The following NFATC1 variants were observed in gnomAD, a reference collection of about 807,000 sequenced individuals.
NFATC1 encodes the protein nuclear factor of activated T cells 1, also known as nuclear factor of activated T-cells, cytoplasmic 1.
A neutral mutation model predicts 76.0 loss-of-function variants in NFATC1; 22 were observed. That is an observed-to-expected ratio of 0.29 (90% CI 0.21 to 0.41). The LOEUF is 0.41. Ranked by LOEUF, NFATC1 falls within the 10% of genes least tolerant of loss-of-function variation. NFATC1 has a pLI of 1.00. For synonymous variants in NFATC1, 704 were observed against 613.1 expected (o/e 1.15, Z -2.19); for missense variants, 1,357 against 1,337.7 (o/e 1.01, Z -0.23).
intron 3 of NFATC1, among the ~76,000 whole-genome samples, chr18:79,447,051 C>T (rs914307398): frequency 2.6e-5 from 4 of 152,178 alleles, no homozygotes; most frequent in South Asian, 2.1e-4. Flanking sequence ...ACTGTGGCCT[C>T]GTCCCTGGAG....
At chr18:79,423,251 T>C (rs953524999) in intron 2 of NFATC1, among the ~76,000 whole-genome samples, 1 of 152,214 alleles carries the variant, frequency 6.6e-6, no homozygotes. Flanking sequence ...ACAAAACCTC[T>C]GCACTCCGGC....
chr18:79,430,774 G>A (rs973701673), intron 2 of NFATC1, among the ~76,000 whole-genome samples: 5 of 152,236 alleles, frequency 3.3e-5, no homozygotes, highest in East Asian at 3.8e-4. Flanking sequence ...CATCATCTGC[G>A]ACTTTGTTTG....
In NFATC1 at chr18:79,430,320, C is replaced by T. The variant is rs116663514; in HGVS notation, c.1227-3259C>T. 4.5e-3 allele frequency among the ~76,000 whole-genome samples: 681 copies of T among 152,296 alleles called. 7 individuals carry two copies. Among genetic ancestry groups the T allele is most frequent in the African/African-American group, 0.016 (651 of 41,548 alleles). On this transcript the variant is annotated intron_variant, in intron 2 of 9. Coordinates refer to ENST00000427363, the MANE Select transcript of NFATC1 (RefSeq NM_001278669.2). Reference sequence around the variant, plus strand: ...TCCTCTCTCCTCTCTCTCGCTGTCTCTTCTCTGTCTCTTAACTTTCCTGGG... The same window carrying T: ...TCCTCTCTCCTCTCTCTCGCTGTCTTTTCTCTGTCTCTTAACTTTCCTGGG...
intron 9 of NFATC1, among the ~76,000 whole-genome samples, chr18:79,492,901 CTT>C (rs10605674): frequency 0.099 from 8,615 of 86,990 alleles, 397 homozygotes; most frequent in African/African-American, 0.19. Flanking sequence ...ATGAATCCAG[CTT>C]TTTTTTTTTT....
At chr18:79,420,605 G>A (rs940571189) in intron 2 of NFATC1, among the ~76,000 whole-genome samples, 12 of 151,808 alleles carry the variant, frequency 7.9e-5, no homozygotes, top group African/African-American at 2.7e-4. Context: ...GTTTCCGGGA[G>A]ACGTCGCTGC....
chr18:79,522,291 G>A lies in NFATC1; in HGVS notation c.2783-5237G>A, dbSNP rs115874627. 7.6e-4 allele frequency among the ~76,000 whole-genome samples: 103 copies of A among 136,236 alleles called. 1 individual carries two copies. Among genetic ancestry groups the A allele is most frequent in the African/African-American group, 2.8e-3 (100 of 36,312 alleles). 89.4% of individuals were successfully genotyped at this position (136,236 alleles called of 152,430 possible). On this transcript the variant is annotated intron_variant, in intron 9 of 9. Coordinates refer to ENST00000427363, the MANE Select transcript of NFATC1 (RefSeq NM_001278669.2). ...TGTGTAGAGGGGTGCGTCTACTGAT[G>A]TCTGGGTGTAGGGGCTGGCGCCTGC... is the stretch of plus-strand genomic sequence containing the variant.
chr18:79,515,358 A>G lies in NFATC1; in HGVS notation c.2783-12170A>G, dbSNP rs2090353557. Among the ~76,000 whole-genome samples, 7 of 148,948 alleles carry G rather than the reference A, an allele frequency of 4.7e-5. No individual in the cohort carries two copies. The South Asian group carries it at 1.5e-3, about 31-fold the overall frequency. On this transcript the variant is annotated intron_variant, in intron 9 of 9. Coordinates refer to ENST00000427363, the MANE Select transcript of NFATC1 (RefSeq NM_001278669.2). ...CATCTCAAAAAAAAAAAAAAAAAAA[A>G]GAAGGAAGGCAAGTTTCCCATCCCA... is the stretch of plus-strand genomic sequence containing the variant.
At chr18:79,443,254 T>C (rs1308114281) in intron 3 of NFATC1, among the ~76,000 whole-genome samples, 4 of 152,218 alleles carry the variant, frequency 2.6e-5, no homozygotes, top group African/African-American at 9.7e-5. Flanking sequence ...GAACTCAGTA[T>C]TGTCAGCTTG....
intron 2 of NFATC1, among the ~76,000 whole-genome samples, chr18:79,419,463 ACCTG>A (rs1249370219): frequency 2.4e-5 from 3 of 123,830 alleles, no homozygotes; most frequent in Non-Finnish European, 5.2e-5. Flanking sequence ...GAGGGCCGGC[ACCTG>A]CCTGCCCGGG....
chr18:79,426,984 A>G (rs555214732), intron 2 of NFATC1, among the ~76,000 whole-genome samples: 5 of 152,334 alleles, frequency 3.3e-5, no homozygotes, highest in Middle Eastern at 3.4e-3. Flanking sequence ...GCCTGCCGGC[A>G]TGGGTTGGGA....
chr18:79,436,302 C>T (rs948211007), intron 3 of NFATC1, among the ~76,000 whole-genome samples: 8 of 152,194 alleles, frequency 5.3e-5, no homozygotes, highest in Non-Finnish European at 5.9e-5. Flanking sequence ...CACTGGGAGC[C>T]GTTGGGAACA....
chr18:79,473,759 TG>T (rs2088892834), intron 8 of NFATC1, among the ~76,000 whole-genome samples: 1 of 137,236 alleles, frequency 7.3e-6, no homozygotes, highest in Non-Finnish European at 1.5e-5. Context: ...GTGAGGGAAG[TG>T]TATTCTCACG....
In NFATC1 at chr18:79,474,835, C is replaced by A. The variant is rs189595013; in HGVS notation, c.2092+7253C>A. On this transcript the variant is annotated intron_variant, in intron 8 of 9. Transcript: ENST00000427363. ...TAAACCTGAGGGAAGCGTGTTCTCACGCTCGCTGTCAACGTAAACCTGAGG... is the reference window on the plus strand; with the variant it reads ...TAAACCTGAGGGAAGCGTGTTCTCAAGCTCGCTGTCAACGTAAACCTGAGG... 4.0e-4 allele frequency among the ~76,000 whole-genome samples: 58 copies of A among 143,912 alleles called. 3 individuals carry two copies. The highest frequency in any genetic ancestry group is 1.5e-3 in the African/African-American group (57 of 38,284). The allele number at this position is 143,912 out of a possible 152,430, so 94.4% of individuals were successfully genotyped here.
intron 9 of NFATC1, among the ~76,000 whole-genome samples, chr18:79,522,737 G>C (rs2090646605): frequency 6.6e-6 from 1 of 152,098 alleles, no homozygotes; most frequent in South Asian, 2.1e-4. Flanking sequence ...GGAGGAGAGA[G>C]GACGGACTCC....
In NFATC1 at chr18:79,490,885, T is replaced by TAAACGAGGTCA. The variant is rs563834934; in HGVS notation, c.2782+3949_2782+3959dup. 1.2e-4 allele frequency among the ~76,000 whole-genome samples: 19 copies of TAAACGAGGTCA among 152,190 alleles called. No homozygotes were observed. In the South Asian group the frequency reaches 2.1e-3, roughly 17 times the overall value. On this transcript the variant is annotated intron_variant, in intron 9 of 9. Transcript: ENST00000427363. ...CCCCAGGCTCACAAACGCCGTGACATAAACGAGGTCAGGGCCTGGGTTATG... is the reference window on the plus strand; with the variant it reads ...CCCCAGGCTCACAAACGCCGTGACATAAACGAGGTCAAAACGAGGTCAGGGCCTGGGTTATG...
chr18:79,422,669 C>A (rs1422683718), intron 2 of NFATC1: 1 of 152,292 alleles, frequency 6.6e-6, no homozygotes, highest in African/African-American at 2.4e-5. Flanking sequence ...CCCAGGGGCA[C>A]TGAGATCCCA....
chr18:79,434,922 T>C (rs185195726), intron 3 of NFATC1, among the ~76,000 whole-genome samples: 1 of 152,274 alleles, frequency 6.6e-6, no homozygotes, highest in East Asian at 1.9e-4. Flanking sequence ...CGTTGGTGCT[T>C]GAAGCAAGGA....
intron 8 of NFATC1, among the ~76,000 whole-genome samples, chr18:79,473,560 AGC>A (rs2088877148): frequency 2.1e-5 from 3 of 145,998 alleles, no homozygotes; most frequent in African/African-American, 5.2e-5. Context: ...ACCTGAGGGA[AGC>A]GTGTTCTCGC....
At chr18:79,406,601 G>A (rs1170385603) in intron 1 of NFATC1, among the ~76,000 whole-genome samples, 1 of 152,258 alleles carries the variant, frequency 6.6e-6, no homozygotes, top group East Asian at 1.9e-4. Flanking sequence ...AGCAGTAAGT[G>A]TGGGTGTGAG....
Sources: allele counts gnomAD v4.1 joint callset (sites outside exome capture counted in the v4.1 genomes callset), GRCh38; gene constraint gnomAD v4.1.1; transcripts MANE v1.5; gene names NCBI Gene and HGNC (gene_info 2026-07-23, HGNC 2026-07-21).